The following CEP83 variants were observed in gnomAD, a reference collection of about 807,000 sequenced individuals.
CEP83 encodes the protein centrosomal protein 83, also known as centrosomal protein of 83 kDa.
CEP83 carries 70 observed loss-of-function variants against 101.9 expected under a neutral mutation model. The observed-to-expected ratio is 0.69, with a 90% confidence interval of 0.57 to 0.84. The LOEUF (loss-of-function observed/expected upper bound fraction) is 0.84. Ranked by LOEUF, CEP83 falls within the 40% of genes least tolerant of loss-of-function variation. The pLI is 0.00. For synonymous variants in CEP83, 264 were observed against 267.9 expected (o/e 0.99, Z 0.14); for missense variants, 715 against 787.2 (o/e 0.91, Z 1.10).
At chr12:94,297,208 C>T in the CEP83 span, 2 of 1,614,042 alleles carry the variant, frequency 1.2e-6, no homozygotes, top group Non-Finnish European at 1.7e-6. Flanking sequence ...ACTCGGATGA[C>T]CACTGCCATT....
At chr12:94,305,288 A>T, downstream of CEP83, 2 of 1,580,870 alleles carry the variant, frequency 1.3e-6, no homozygotes, top group Non-Finnish European at 1.7e-6. Flanking sequence ...GGATGTAAGC[A>T]CTCTGGGGCC....
intron 14 of CEP83, among the ~76,000 whole-genome samples, chr12:94,318,187 G>A (rs2136341615): frequency 6.6e-6 from 1 of 152,228 alleles, no homozygotes; most frequent in South Asian, 2.1e-4. Flanking sequence ...ATTGTGAATG[G>A]GATTGCATTC....
At chr12:94,453,070 A>G (rs1446792326) in intron 1 of CEP83, among the ~76,000 whole-genome samples, 4 of 152,176 alleles carry the variant, frequency 2.6e-5, no homozygotes, top group Admixed American at 1.3e-4. Context: ...ATGTTTCTTG[A>G]GCAACAATTT....
chr12:94,297,058 G>A, the CEP83 span: 2 of 793,212 alleles, frequency 2.5e-6, no homozygotes, highest in Non-Finnish European at 2.2e-6. Flanking sequence ...TGTAGCTATG[G>A]AGAGCTCAAG....
the CEP83 span, among the ~76,000 whole-genome samples, chr12:94,269,695 C>T: frequency 6.6e-6 from 1 of 152,222 alleles, no homozygotes; most frequent in Non-Finnish European, 1.5e-5. Context: ...TTTAATACTC[C>T]TACCATTTGT....
At chr12:94,408,473 T>C (rs1255672932) in intron 4 of CEP83, among the ~76,000 whole-genome samples, 2 of 152,208 alleles carry the variant, frequency 1.3e-5, no homozygotes, top group Non-Finnish European at 1.5e-5. Flanking sequence ...TAATTTCCGT[T>C]TTATTAGAAT....
intron 12 of CEP83, among the ~76,000 whole-genome samples, chr12:94,335,053 AAAC>A (rs1455552912): frequency 9.9e-5 from 15 of 152,254 alleles, no homozygotes; most frequent in East Asian, 3.8e-4. Context: ...ATAGGGAAAA[AAAC>A]AACAACAAAA....
the CEP83 span, chr12:94,294,576 C>A: frequency 4.3e-6 from 4 of 927,638 alleles, no homozygotes; most frequent in African/African-American, 6.6e-5. Context: ...TTTGTTCTCA[C>A]CCAGCTTCAT....
At chr12:94,349,215 G>A (rs977964395) in intron 11 of CEP83, among the ~76,000 whole-genome samples, 9 of 150,982 alleles carry the variant, frequency 6.0e-5, no homozygotes, top group Admixed American at 5.3e-4. Flanking sequence ...AACCCAGGAG[G>A]TGGAACTTGC....
At chr12:94,423,759 GAAAGA>G in intron 2 of CEP83, 1 of 1,613,376 alleles carries the variant, frequency 6.2e-7, no homozygotes, top group South Asian at 1.1e-5. Flanking sequence ...TGTTGAACTG[GAAAGA>G]ATAGACCCCA....
At chr12:94,303,707 TTTTTTA>T, downstream of CEP83, 1 of 1,155,318 alleles carries the variant, frequency 8.7e-7, no homozygotes, top group East Asian at 3.1e-5. Flanking sequence ...TTTTTTTTTT[TTTTTTA>T]CTCTTTTGGT....
At chr12:94,331,220 G>T (rs1056680224) in intron 14 of CEP83, among the ~76,000 whole-genome samples, 7 of 143,702 alleles carry the variant, frequency 4.9e-5, no homozygotes, top group Non-Finnish European at 1.0e-4. Context: ...GAACCCAGGG[G>T]ATGGAGGTTG....
At chr12:94,287,673 G>T in the CEP83 span, among the ~76,000 whole-genome samples, 1 of 152,160 alleles carries the variant, frequency 6.6e-6, no homozygotes, top group Non-Finnish European at 1.5e-5. Context: ...TAATTCAAAA[G>T]ATATTTAAAG....
chr12:94,442,571 G>A (rs1381944900), intron 1 of CEP83, among the ~76,000 whole-genome samples: 2 of 152,076 alleles, frequency 1.3e-5, no homozygotes, highest in Admixed American at 1.3e-4. Context: ...GTTTCTTTCA[G>A]TCTTCACTTC....
chr12:94,365,015 T>C (rs2060950188), intron 11 of CEP83, among the ~76,000 whole-genome samples: 1 of 152,072 alleles, frequency 6.6e-6, no homozygotes, highest in African/African-American at 2.4e-5. Context: ...TTTGATTACA[T>C]AATAAAAATT....
At chr12:94,339,465 A>G (rs1267770553) in intron 11 of CEP83, among the ~76,000 whole-genome samples, 22 of 152,200 alleles carry the variant, frequency 1.4e-4, no homozygotes, top group Non-Finnish European at 4.4e-5. Context: ...AATGTACTTC[A>G]TGTGACTGAA....
At chr12:94,324,403 T>C (rs907689429) in intron 14 of CEP83, among the ~76,000 whole-genome samples, 11 of 152,240 alleles carry the variant, frequency 7.2e-5, no homozygotes, top group African/African-American at 2.4e-4. Context: ...CATGATTAAT[T>C]AGCATAATAG....
intron 2 of CEP83, among the ~76,000 whole-genome samples, chr12:94,430,046 G>A (rs541137936): frequency 6.5e-4 from 99 of 151,972 alleles, no homozygotes; most frequent in African/African-American, 2.2e-3. Context: ...GCACCTATAC[G>A]CACCACTGGG....
At chr12:94,395,183 CA>C (rs1290385308) in intron 6 of CEP83, among the ~76,000 whole-genome samples, 2 of 151,188 alleles carry the variant, frequency 1.3e-5, no homozygotes, top group African/African-American at 4.9e-5. Context: ...TGGGGCCTGT[CA>C]GGGGGTGGGG....
Sources: gnomAD v4.1 joint callset for allele counts (sites outside exome capture counted in the v4.1 genomes callset) on GRCh38, gnomAD v4.1.1 for gene constraint, MANE v1.5 for transcripts, NCBI Gene and HGNC (gene_info 2026-07-23, HGNC 2026-07-21) for gene names.